The following MYT1L variants were observed in gnomAD, a reference collection of about 807,000 sequenced individuals.
MYT1L encodes myelin transcription factor 1-like protein.
In MYT1L, 12 loss-of-function variants were observed where a neutral mutation model predicts 126.7. The observed-to-expected ratio is 0.09, with a 90% CI of 0.06 to 0.15. MYT1L has a LOEUF of 0.15. Ranked by LOEUF, MYT1L falls within the 10% of genes least tolerant of loss-of-function variation. The probability of loss-of-function intolerance (pLI) is 1.00; values close to 1 mark genes in which losing one functional copy is unlikely to be tolerated. For missense variants in MYT1L, 979 were observed against 1,585.2 expected, an observed-to-expected ratio of 0.62 and a Z score of 6.49; for synonymous variants, 541 against 604.2, an observed-to-expected ratio of 0.90 and a Z score of 1.53.
chr2:2,317,188 G>T (rs2096079696), intron 1 of MYT1L, among the ~76,000 whole-genome samples: 1 of 152,024 alleles, frequency 6.6e-6, no homozygotes, highest in African/African-American at 2.4e-5. Flanking sequence ...GCCTGACCTT[G>T]GTAGTCCCAG....
intron 9 of MYT1L, among the ~76,000 whole-genome samples, chr2:1,939,597 A>C (rs569997540): frequency 2.6e-5 from 4 of 152,260 alleles, no homozygotes; most frequent in Admixed American, 6.5e-5. Flanking sequence ...TAACGTGCTC[A>C]ACAAGTGAGA....
Position 2,275,468 on chromosome 2 carries a change from C to T in MYT1L, c.-421+8936G>A, listed in dbSNP as rs1259559240. 2.6e-5 allele frequency among the ~76,000 whole-genome samples: 4 copies of T among 152,152 alleles called. No individual in the cohort carries two copies. In the East Asian group the frequency reaches 7.8e-4, roughly 30 times the overall value. On this transcript the variant is annotated intron_variant, in intron 2 of 24. Coordinates refer to ENST00000647738, the MANE Select transcript of MYT1L (RefSeq NM_001303052.2). Reference sequence around the variant, plus strand: ...CTACCTATATATGACATGCTGAGCCCCAGTGCCCCCAGTTGGGCGATTTGG... The same window carrying T: ...CTACCTATATATGACATGCTGAGCCTCAGTGCCCCCAGTTGGGCGATTTGG...
At chr2:2,322,882 G>A (rs547176534) in intron 1 of MYT1L, among the ~76,000 whole-genome samples, 1 of 152,216 alleles carries the variant, frequency 6.6e-6, no homozygotes, top group East Asian at 1.9e-4. Flanking sequence ...TCATGAATCT[G>A]CTTGAAAACA....
chr2:2,232,907 C>G (rs541257281), intron 2 of MYT1L, among the ~76,000 whole-genome samples: 7 of 152,234 alleles, frequency 4.6e-5, no homozygotes, highest in African/African-American at 1.4e-4. Flanking sequence ...GTTGATATTT[C>G]CACCTAAGTT....
At chr2:2,185,213 T>C (rs1358201639) in intron 2 of MYT1L, among the ~76,000 whole-genome samples, 3 of 152,146 alleles carry the variant, frequency 2.0e-5, no homozygotes, top group East Asian at 1.9e-4. Flanking sequence ...ATAATAATAA[T>C]AGCAAACACA....
chr2:2,069,224 C>A (rs568460180), intron 3 of MYT1L, among the ~76,000 whole-genome samples: 14 of 152,214 alleles, frequency 9.2e-5, no homozygotes, highest in Admixed American at 2.6e-4. Context: ...CCTCTCCTAG[C>A]CCCCGACACC....
chr2:2,136,160 T>C (rs534482145), intron 3 of MYT1L, among the ~76,000 whole-genome samples: 1 of 152,288 alleles, frequency 6.6e-6, no homozygotes, highest in East Asian at 1.9e-4. Context: ...ACTTTTTATG[T>C]TCCTCCAGTC....
intron 21 of MYT1L, among the ~76,000 whole-genome samples, chr2:1,837,271 C>T (rs879923239): frequency 3.9e-5 from 6 of 152,182 alleles, no homozygotes; most frequent in Non-Finnish European, 7.3e-5. Context: ...CACCAGGCTC[C>T]GCAGAGGCAG....
At chr2:1,935,742 A>G (rs1326985715) in intron 9 of MYT1L, among the ~76,000 whole-genome samples, 1 of 152,236 alleles carries the variant, frequency 6.6e-6, no homozygotes, top group Non-Finnish European at 1.5e-5. Flanking sequence ...CCGTGGATAA[A>G]CCAGAACTTG....
At chr2:2,119,616 A>C (rs1055378564) in intron 3 of MYT1L, among the ~76,000 whole-genome samples, 5 of 152,242 alleles carry the variant, frequency 3.3e-5, no homozygotes, top group Non-Finnish European at 7.3e-5. Flanking sequence ...TTCAGGGTAC[A>C]TCCCTGAGTG....
intron 3 of MYT1L, among the ~76,000 whole-genome samples, chr2:2,113,366 C>T (rs181865618): frequency 6.6e-6 from 1 of 152,332 alleles, no homozygotes; most frequent in East Asian, 1.9e-4. Context: ...AGCAGGGCTC[C>T]TCCACAACAC....
intron 2 of MYT1L, among the ~76,000 whole-genome samples, chr2:2,213,030 GGGATGGAAGAACT>G (rs560509795): frequency 2.0e-3 from 297 of 152,170 alleles, no homozygotes; most frequent in Non-Finnish European, 3.5e-3. Context: ...CAGAGACTTT[GGGATGGAAGAACT>G]GAAACAGAGG....
At chr2:1,991,297 T>G (rs1303642030) in intron 5 of MYT1L, among the ~76,000 whole-genome samples, 1 of 152,156 alleles carries the variant, frequency 6.6e-6, no homozygotes, top group Non-Finnish European at 1.5e-5. Context: ...TGTGAGGGTC[T>G]CGCTGTATCT....
At chr2:2,086,395 T>G (rs2076354365) in intron 3 of MYT1L, among the ~76,000 whole-genome samples, 1 of 152,234 alleles carries the variant, frequency 6.6e-6, no homozygotes, top group Admixed American at 6.5e-5. Context: ...ATTTTATACT[T>G]GTACATAGTA....
chr2:1,925,613 T>C (rs544189375), intron 9 of MYT1L, among the ~76,000 whole-genome samples: 91 of 152,296 alleles, frequency 6.0e-4, no homozygotes, highest in Non-Finnish European at 1.1e-3. Flanking sequence ...GTCACAGCCA[T>C]GCTGACGGGT....
chr2:2,311,245 G>A (rs2095965165), intron 1 of MYT1L, among the ~76,000 whole-genome samples: 1 of 152,206 alleles, frequency 6.6e-6, no homozygotes, highest in Admixed American at 6.5e-5. Context: ...CAATGCATGA[G>A]AATTAAGACA....
At chr2:2,152,462 T>A (rs959578083) in intron 3 of MYT1L, among the ~76,000 whole-genome samples, 4 of 152,200 alleles carry the variant, frequency 2.6e-5, no homozygotes, top group African/African-American at 9.6e-5. Context: ...TACCGTAGGT[T>A]CCAGACCAGT....
intron 19 of MYT1L, among the ~76,000 whole-genome samples, chr2:1,845,229 C>T (rs916981966): frequency 6.6e-6 from 1 of 152,118 alleles, no homozygotes; most frequent in Non-Finnish European, 1.5e-5. Context: ...CTGCCTCAGA[C>T]TTCCACAGTG....
At chr2:2,172,306 T>C (rs1046689919) in intron 3 of MYT1L, among the ~76,000 whole-genome samples, 30 of 152,088 alleles carry the variant, frequency 2.0e-4, no homozygotes, top group Non-Finnish European at 5.9e-5. Context: ...ACATGAGCCA[T>C]TTCCACGTGA....
Sources: allele counts gnomAD v4.1 joint callset (sites outside exome capture counted in the v4.1 genomes callset), GRCh38; gene constraint gnomAD v4.1.1; transcripts MANE v1.5; gene names NCBI Gene and HGNC (gene_info 2026-07-23, HGNC 2026-07-21).